The following CLIP4 variants were observed in gnomAD, a reference collection of about 807,000 sequenced individuals.
The protein encoded by CLIP4 is CAP-Gly domain-containing linker protein 4.
In CLIP4, 47 loss-of-function variants were observed where a neutral mutation model predicts 73.1. That is an observed-to-expected ratio of 0.64 (90% CI 0.51 to 0.82). The LOEUF is 0.82. Among genes scored for constraint, CLIP4 ranks in the 40% least tolerant of loss-of-function variants. The pLI, the probability that CLIP4 is intolerant of heterozygous loss-of-function variation, is 0.00. For missense variants in CLIP4, 874 were observed against 852.9 expected (o/e 1.02, Z -0.31); for synonymous variants, 306 against 295.4 (o/e 1.04, Z -0.37).
chr2:29,101,934 C>T (rs1668062455), intron 1 of CLIP4, among the ~76,000 whole-genome samples: 1 of 152,196 alleles, frequency 6.6e-6, no homozygotes. Context: ...ACGGCTTTTT[C>T]ATTTGCCACA....
At chr2:29,109,886 C>G in intron 1 of CLIP4, among the ~76,000 whole-genome samples, 2 of 152,078 alleles carry the variant, frequency 1.3e-5, no homozygotes, top group South Asian at 4.2e-4. Flanking sequence ...AGCGAAACCC[C>G]GTCTCTACTA....
chr2:29,123,179 T>G (rs1431517255), intron 2 of CLIP4, among the ~76,000 whole-genome samples: 1 of 152,202 alleles, frequency 6.6e-6, no homozygotes, highest in Non-Finnish European at 1.5e-5. Flanking sequence ...AGCCTGAAAC[T>G]CCTTAGGCTA....
At chr2:29,111,074 CA>C (rs1245010247), upstream of CLIP4, among the ~76,000 whole-genome samples, 1 of 152,102 alleles carries the variant, frequency 6.6e-6, no homozygotes, top group Non-Finnish European at 1.5e-5. Flanking sequence ...CTTATAGAAC[CA>C]CTGTAAGGGT....
At chr2:29,178,962 G>A (rs1434426772) in intron 15 of CLIP4, among the ~76,000 whole-genome samples, 1 of 152,000 alleles carries the variant, frequency 6.6e-6, no homozygotes, top group African/African-American at 2.4e-5. Context: ...GCCCTTCTAA[G>A]TTTTGTATTT....
At chr2:29,178,006 C>T (rs1279378599) in intron 15 of CLIP4, among the ~76,000 whole-genome samples, 1 of 151,972 alleles carries the variant, frequency 6.6e-6, no homozygotes, top group African/African-American at 2.4e-5. Flanking sequence ...ATGTTGAATC[C>T]ATTATTTACT....
chr2:29,112,297 G>C (rs1668404132), upstream of CLIP4, among the ~76,000 whole-genome samples: 1 of 152,104 alleles, frequency 6.6e-6, no homozygotes, highest in African/African-American at 2.4e-5. Context: ...AGTTTCTGCT[G>C]GAATTTTGGT....
intron 12 of CLIP4, among the ~76,000 whole-genome samples, chr2:29,162,272 T>G (rs947172877): frequency 4.6e-5 from 7 of 152,170 alleles, no homozygotes; most frequent in African/African-American, 1.4e-4. Context: ...AGTGGAAACT[T>G]TTTTGTTAAA....
chr2:29,102,814 CAG>C (rs1317401050), intron 1 of CLIP4, among the ~76,000 whole-genome samples: 1 of 152,092 alleles, frequency 6.6e-6, no homozygotes, highest in African/African-American at 2.4e-5. Flanking sequence ...TTAGTAGAGA[CAG>C]GGTTTCGCCA....
chr2:29,116,518 A>G (rs939375768), intron 1 of CLIP4, among the ~76,000 whole-genome samples: 1 of 152,138 alleles, frequency 6.6e-6, no homozygotes, highest in African/African-American at 2.4e-5. Context: ...TTTCACTTTG[A>G]CGTTTGTTGT....
At position 29,181,822 on chromosome 2, in the gene CLIP4, G is replaced by C. The variant is rs531835101; in HGVS notation, c.2047G>C (p.Val683Leu). 1.2e-6 allele frequency: 2 copies of C among 1,614,236 alleles called. No individual in the cohort carries two copies. The highest frequency in any genetic ancestry group is 1.3e-5 in the African/African-American group (1 of 75,066). Residue 683 changes from valine (V) to leucine (L), a missense_variant, in exon 16 of 16, where the codon GTC becomes CTC. Transcript: ENST00000320081. ...RYFTCKPNHG[V>L]LVRPSRVTYR... is the part of the protein sequence containing the mutation. ...TTTCACCTGTAAGCCGAACCATGGA[G>C]TCTTAGTTCGACCGAGCAGAGTGAC...
chr2:29,141,519 G>A (rs1232085553), intron 6 of CLIP4, among the ~76,000 whole-genome samples: 1 of 152,134 alleles, frequency 6.6e-6, no homozygotes, highest in Non-Finnish European at 1.5e-5. Flanking sequence ...TTGGGTGTGT[G>A]TATATTTAGG....
rs762080372 is a variant in CLIP4, at chr2:29,181,607, C to T, written c.1832C>T (p.Thr611Ile). 2.5e-6 allele frequency: 4 copies of T among 1,612,552 alleles called. No homozygotes were observed. Among genetic ancestry groups the T allele is most frequent in the Non-Finnish European group, 3.4e-6 (4 of 1,178,964 alleles). The stretch of plus-strand genomic sequence containing the variant: ...GCTTTGCGTCGCAGTTGGAGCAGCA[C>T]CCCCACCGCAGGTGGCATTGAAGGG... Reference protein sequence around the residue: ...KAALRRSWSSTPTAGGIEGSV... With the variant: ...KAALRRSWSSIPTAGGIEGSV... Residue 611 changes from threonine to isoleucine, a missense_variant, in exon 16 of 16, where the codon ACC becomes ATC. Physicochemically the swap from Thr to Ile is moderately conservative, Grantham distance 89. Coordinates refer to ENST00000320081, the MANE Select transcript of CLIP4 (RefSeq NM_024692.6).
At chr2:29,169,329 C>CTGTG (rs70958249) in intron 14 of CLIP4, among the ~76,000 whole-genome samples, 77 of 140,424 alleles carry the variant, frequency 5.5e-4, no homozygotes, top group African/African-American at 1.7e-3. Context: ...GTCTTTTTCA[C>CTGTG]TGTGTGTGTG....
chr2:29,099,407 C>T (rs1007703954), intron 1 of CLIP4, among the ~76,000 whole-genome samples: 2 of 152,126 alleles, frequency 1.3e-5, no homozygotes, highest in Admixed American at 6.5e-5. Context: ...TGTCTGGATT[C>T]ATTTATTCGT....
Position 29,145,237 on chromosome 2 carries a change from T to C in CLIP4, c.891T>C (p.Gly297=). The change falls in exon 8 of 16, where the codon GGT becomes GGC. Residue 297 remains glycine, a synonymous_variant. Coordinates refer to ENST00000320081, the MANE Select transcript of CLIP4 (RefSeq NM_024692.6). ...CTGGTTTATATTTTCTTTAGGTTGG[T>C]ACATTAAGATTTTGTGGAACAACTG... The part of the protein sequence containing the change: ...DRVVIAGQKV[G]TLRFCGTTEF... The C allele has an allele frequency of 2.5e-6, 4 of 1,613,350 alleles. No homozygotes were observed. The highest frequency in any genetic ancestry group is 3.4e-6 in the Non-Finnish European group (4 of 1,179,616).
intron 8 of CLIP4, among the ~76,000 whole-genome samples, chr2:29,151,941 C>A (rs1666598551): frequency 1.3e-5 from 2 of 152,012 alleles, no homozygotes; most frequent in Non-Finnish European, 2.9e-5. Flanking sequence ...GATAGGCAAC[C>A]CCCCTGCCCC....
rs868709813 is a variant in CLIP4, at chr2:29,099,399, T to A, written c.-16+1452T>A. Among the ~76,000 whole-genome samples the A allele has an allele frequency of 6.7e-3, 767 of 114,276 alleles. 9 individuals carry two copies. The highest frequency in any genetic ancestry group is 0.021 in the African/African-American group (718 of 34,780). 75.0% of individuals were successfully genotyped at this position (114,276 alleles called of 152,430 possible). On this transcript the variant is annotated intron_variant, in intron 1 of 14. Coordinates refer to the CLIP4 transcript ENST00000401605. ...TTTTGTAAAAGGTGTAAGATCTGTG[T>A]CTGGATTCATTTATTCGTATGTGGT...
intron 15 of CLIP4, among the ~76,000 whole-genome samples, chr2:29,178,871 T>G (rs573215597): frequency 6.6e-6 from 1 of 152,326 alleles, no homozygotes; most frequent in South Asian, 2.1e-4. Context: ...CTCAGCTCAC[T>G]GAAACCTCTG....
chr2:29,146,155 G>T (rs1015644944), intron 8 of CLIP4, among the ~76,000 whole-genome samples: 2 of 152,114 alleles, frequency 1.3e-5, no homozygotes, highest in East Asian at 1.9e-4. Context: ...GGGTTTTTTC[G>T]TTAGTAGGCT....
Sources: gnomAD v4.1 joint callset for allele counts (sites outside exome capture counted in the v4.1 genomes callset) on GRCh38, gnomAD v4.1.1 for gene constraint, MANE v1.5 for transcripts, NCBI Gene and HGNC (gene_info 2026-07-23, HGNC 2026-07-21) for gene names.